Variants in PHLPP1 observed in about 807,000 individuals in gnomAD.
PHLPP1 encodes the protein PH domain and leucine rich repeat protein phosphatase 1, also known as PH domain leucine-rich repeat-containing protein phosphatase 1.
PHLPP1 carries 42 observed loss-of-function variants against 117.2 expected under a neutral mutation model. The observed-to-expected ratio is 0.36, with a 90% CI of 0.28 to 0.46. PHLPP1 has a LOEUF of 0.46. Ranked by LOEUF, PHLPP1 falls within the 20% of genes least tolerant of loss-of-function variation. The pLI, the probability that PHLPP1 is intolerant of heterozygous loss-of-function variation, is 1.00. For missense variants in PHLPP1, 2,084 were observed against 2,241.9 expected, an observed-to-expected ratio of 0.93 and a Z score of 1.42; for synonymous variants, 1,042 against 970.7, an observed-to-expected ratio of 1.07 and a Z score of -1.37.
At chr18:62,849,050 A>G (rs753426110) in intron 3 of PHLPP1, among the ~76,000 whole-genome samples, 1 of 152,224 alleles carries the variant, frequency 6.6e-6, no homozygotes, top group Non-Finnish European at 1.5e-5. Flanking sequence ...GACAAAAGGT[A>G]GTTTCTCAGG....
At chr18:62,798,169 C>G (rs750697816) in intron 1 of PHLPP1, among the ~76,000 whole-genome samples, 10 of 152,142 alleles carry the variant, frequency 6.6e-5, no homozygotes, top group Non-Finnish European at 1.0e-4. Flanking sequence ...TTAAATAGTT[C>G]GGAGTAAGGC....
intron 10 of PHLPP1, among the ~76,000 whole-genome samples, chr18:62,937,962 A>G (rs1448872840): frequency 6.6e-6 from 1 of 152,118 alleles, no homozygotes; most frequent in Non-Finnish European, 1.5e-5. Context: ...CTGTGAGCCA[A>G]ATGCCACTGC....
intron 15 of PHLPP1, among the ~76,000 whole-genome samples, chr18:62,974,466 G>T (rs866440819): frequency 1.3e-5 from 2 of 152,152 alleles, no homozygotes; most frequent in Non-Finnish European, 2.9e-5. Flanking sequence ...GTACCTGAGG[G>T]TCTGCCCTTG....
chr18:62,968,728 G>A (rs1397297530), intron 14 of PHLPP1, among the ~76,000 whole-genome samples: 5 of 151,656 alleles, frequency 3.3e-5, no homozygotes, highest in Non-Finnish European at 5.9e-5. Context: ...TAGTAGAGAC[G>A]GAGTTTCACC....
At chr18:62,819,169 A>G (rs1328667483) in intron 1 of PHLPP1, among the ~76,000 whole-genome samples, 2 of 152,228 alleles carry the variant, frequency 1.3e-5, no homozygotes, top group East Asian at 1.9e-4. Context: ...ACAGTAGCAC[A>G]AAGACTGGGA....
chr18:62,716,432 A>AG lies in PHLPP1; in HGVS notation c.753dup (p.Pro252AlafsTer11). 1 of 1,365,860 alleles carries AG rather than the reference A, an allele frequency of 7.3e-7. No individual in the cohort carries two copies. Among genetic ancestry groups the AG allele is most frequent in the Non-Finnish European group, 9.4e-7 (1 of 1,061,390 alleles). 84.6% of individuals were successfully genotyped at this position (1,365,860 alleles called of 1,614,324 possible). ...GGCGGCGTGGTGAAGGTGCTGGGCC[A>AG]GGGGCCCGGAGCCGCCGCCGCCCGG... On this transcript the variant is annotated frameshift_variant, in exon 1 of 17. Transcript: ENST00000262719. LOFTEE classifies it high-confidence loss of function. The surrounding 1 kb of genome is among the most constrained non-coding windows in gnomAD (Gnocchi z 5.7).
At chr18:62,878,916 G>C (rs1744428108) in intron 4 of PHLPP1, among the ~76,000 whole-genome samples, 1 of 152,068 alleles carries the variant, frequency 6.6e-6, no homozygotes, top group Non-Finnish European at 1.5e-5. Flanking sequence ...GTGTCTTCTT[G>C]ACATGCTCTG....
At chr18:62,801,546 G>A (rs1395217863) in intron 1 of PHLPP1, among the ~76,000 whole-genome samples, 1 of 151,888 alleles carries the variant, frequency 6.6e-6, no homozygotes, top group African/African-American at 2.4e-5. Flanking sequence ...TCTGCCTCCC[G>A]GATTCAAGTG....
chr18:62,834,162 T>C (rs1914828325), intron 2 of PHLPP1, among the ~76,000 whole-genome samples: 1 of 152,164 alleles, frequency 6.6e-6, no homozygotes, highest in Admixed American at 6.6e-5. Flanking sequence ...GATGAAGTCT[T>C]GGCTCTTTTA....
intron 1 of PHLPP1, among the ~76,000 whole-genome samples, chr18:62,802,125 A>C (rs749104301): frequency 1.3e-5 from 2 of 152,170 alleles, no homozygotes; most frequent in Non-Finnish European, 2.9e-5. Context: ...GGGGGTTATG[A>C]GGATACGAGC....
intron 1 of PHLPP1, among the ~76,000 whole-genome samples, chr18:62,738,900 G>A (rs911683677): frequency 3.3e-5 from 5 of 152,346 alleles, no homozygotes; most frequent in Admixed American, 2.6e-4. Context: ...GGGATATGGT[G>A]TGAACTAGAC....
chr18:62,877,091 G>A (rs187668720), intron 4 of PHLPP1, among the ~76,000 whole-genome samples: 13 of 150,566 alleles, frequency 8.6e-5, no homozygotes, highest in Admixed American at 8.5e-4. Context: ...TCTCTTCTTA[G>A]AAAGCTCAAA....
At chr18:62,855,679 T>C (rs773778332) in intron 3 of PHLPP1, among the ~76,000 whole-genome samples, 5 of 152,202 alleles carry the variant, frequency 3.3e-5, no homozygotes, top group Admixed American at 1.3e-4. Flanking sequence ...TCCTCCTCCT[T>C]GTTTCCAGCA....
chr18:62,757,371 A>T (rs1458180289), intron 1 of PHLPP1, among the ~76,000 whole-genome samples: 1 of 152,218 alleles, frequency 6.6e-6, no homozygotes, highest in Non-Finnish European at 1.5e-5. Context: ...ATTTGTTAGT[A>T]ATGTTGTACT....
intron 1 of PHLPP1, among the ~76,000 whole-genome samples, chr18:62,797,529 C>T (rs111960046): frequency 2.0e-4 from 31 of 152,114 alleles, no homozygotes; most frequent in African/African-American, 7.0e-4. Flanking sequence ...ATCGGGGTTG[C>T]ACTATTACAG....
chr18:62,760,292 C>G (rs554043114), intron 1 of PHLPP1, among the ~76,000 whole-genome samples: 2 of 152,292 alleles, frequency 1.3e-5, no homozygotes, highest in Admixed American at 1.3e-4. Flanking sequence ...TACACATGGT[C>G]TCCTGTTCCC....
chr18:62,742,305 A>C (rs1911552335), intron 1 of PHLPP1, among the ~76,000 whole-genome samples: 1 of 152,302 alleles, frequency 6.6e-6, no homozygotes, highest in Non-Finnish European at 1.5e-5. Context: ...TCTTTTAGCC[A>C]CCTACACAGC....
intron 13 of PHLPP1, among the ~76,000 whole-genome samples, chr18:62,960,361 A>C (rs942047328): frequency 6.6e-6 from 1 of 152,204 alleles, no homozygotes. Context: ...AAATCAGTAC[A>C]TGTAGATTGG....
chr18:62,796,474 G>T (rs1265870829), intron 1 of PHLPP1, among the ~76,000 whole-genome samples: 1 of 152,206 alleles, frequency 6.6e-6, no homozygotes, highest in Non-Finnish European at 1.5e-5. Flanking sequence ...TAGTAGAGGA[G>T]AGGAAGGAAT....
Sources: gnomAD v4.1 joint callset for allele counts (sites outside exome capture counted in the v4.1 genomes callset) on GRCh38, gnomAD v4.1.1 for gene constraint, Gnocchi (gnomAD v3.1) non-coding constraint, MANE v1.5 for transcripts, NCBI Gene and HGNC (gene_info 2026-07-23, HGNC 2026-07-21) for gene names.